TSPEAR: variants seen among roughly 807,000 people sequenced by gnomAD.
The protein encoded by TSPEAR is thrombospondin type laminin G domain and EAR repeats.
TSPEAR carries 69 observed loss-of-function variants against 71.6 expected under a neutral mutation model. The ratio of observed to expected loss-of-function variants is 0.96; its 90% CI spans 0.79 to 1.18. The LOEUF is 1.18. Among genes scored for constraint, TSPEAR ranks in the 50% most tolerant of loss-of-function variants. The pLI is 0.00. For synonymous variants in TSPEAR, 402 were observed against 387.2 expected, an observed-to-expected ratio of 1.04 and a Z score of -0.45; for missense variants, 971 against 894.9, an observed-to-expected ratio of 1.09 and a Z score of -1.09.
intron 1 of TSPEAR, among the ~76,000 whole-genome samples, chr21:44,674,888 A>G (rs1406800148): frequency 6.6e-6 from 1 of 151,886 alleles, no homozygotes. Context: ...AAAAAAAAAG[A>G]AAACCTGAAT....
At chr21:44,704,252 C>CCCG (rs1391590616) in intron 1 of TSPEAR, among the ~76,000 whole-genome samples, 11 of 151,904 alleles carry the variant, frequency 7.2e-5, no homozygotes, top group African/African-American at 2.7e-4. Context: ...GTACCCCACC[C>CCCG]CCCCACCACT....
chr21:44,518,379 C>T (rs1049680119), intron 9 of TSPEAR: 2 of 435,830 alleles, frequency 4.6e-6, no homozygotes, highest in Admixed American at 3.1e-5. Context: ...GGTGCAGTGT[C>T]GTGAAGAAGA....
At chr21:44,665,212 A>G (rs1985690988) in intron 1 of TSPEAR, among the ~76,000 whole-genome samples, 1 of 152,188 alleles carries the variant, frequency 6.6e-6, no homozygotes, top group African/African-American at 2.4e-5. Context: ...AGATGATGAA[A>G]CCAGTTTTTT....
chr21:44,575,836 G>A (rs189645382), intron 1 of TSPEAR, among the ~76,000 whole-genome samples: 5 of 152,246 alleles, frequency 3.3e-5, no homozygotes, highest in East Asian at 1.9e-4. Flanking sequence ...CTGTCGCTTC[G>A]CTTCCACCCT....
chr21:44,669,672 C>CA (rs1334150660), intron 1 of TSPEAR, among the ~76,000 whole-genome samples: 2 of 152,142 alleles, frequency 1.3e-5, no homozygotes, highest in Non-Finnish European at 2.9e-5. Flanking sequence ...TTGCTACTGG[C>CA]AACAGCCATC....
chr21:44,557,808 T>G (rs2053558320), intron 2 of TSPEAR: 1 of 559,428 alleles, frequency 1.8e-6, no homozygotes, highest in Non-Finnish European at 3.1e-6. Flanking sequence ...ATTGGTGACT[T>G]TATTTGTTGA....
intron 1 of TSPEAR, chr21:44,676,143 CA>C (rs2146289054): frequency 1.0e-6 from 1 of 955,190 alleles, no homozygotes; most frequent in East Asian, 2.4e-5. Context: ...GGAATAGAAG[CA>C]GGGACTGCAG....
chr21:44,564,950 T>C (rs11911565), intron 2 of TSPEAR, among the ~76,000 whole-genome samples: 38,194 of 151,422 alleles, frequency 0.25, 5,390 homozygotes, highest in East Asian at 0.4. Flanking sequence ...CTGGCCACAA[T>C]AAAATAAAAT....
At position 44,546,770 on chromosome 21, in the gene TSPEAR, G is replaced by A. The variant is rs1232345860; in HGVS notation, c.304-12847C>T. On this transcript the variant is annotated intron_variant, in intron 2 of 11. Coordinates refer to ENST00000323084, the MANE Select transcript of TSPEAR (RefSeq NM_144991.3). This position sits in a 1 kb window ranked among gnomAD's most constrained non-coding sequence, Gnocchi z 4.4. Reference sequence around the variant, plus strand: ...CTCCATGGTTTCTGATGAGAAATTCGCTGTTAGTCTTCTGTCCAGCAGCTT... The same window carrying A: ...CTCCATGGTTTCTGATGAGAAATTCACTGTTAGTCTTCTGTCCAGCAGCTT... Among the ~76,000 whole-genome samples, 2 of 152,148 alleles carry A rather than the reference G, an allele frequency of 1.3e-5. No individual in the cohort carries two copies. The highest frequency in any genetic ancestry group is 2.4e-5 in the African/African-American group (1 of 41,432).
At chr21:44,533,638 C>A in intron 3 of TSPEAR, 47 bp downstream of exon 3, 1 of 1,494,950 alleles carries the variant, frequency 6.7e-7, no homozygotes, top group Non-Finnish European at 9.2e-7. Flanking sequence ...CCTGGCCTGG[C>A]AGGACTCTGA....
chr21:44,498,574 T>C lies in TSPEAR; in HGVS notation c.*1209A>G, dbSNP rs1398379271. ...TTTGCCAGACAAGGGGAGGCTTCCA[T>C]TTCATTACGAAAGGTCAGGAGTGCT... On this transcript the variant is annotated 3_prime_UTR_variant, in exon 12 of 12. Coordinates refer to ENST00000323084, the MANE Select transcript of TSPEAR (RefSeq NM_144991.3). 5 of 152,236 alleles carry C rather than the reference T, an allele frequency of 3.3e-5. No homozygotes were observed. Among genetic ancestry groups the C allele is most frequent in the Non-Finnish European group, 5.9e-5 (4 of 68,038 alleles). The allele number at this position is 152,236 out of a possible 1,614,324, so 9.4% of individuals were successfully genotyped here.
rs1012279263 is a variant in TSPEAR at position 44,623,569 on chromosome 21, T to C, written c.83-55564A>G. Among the ~76,000 whole-genome samples, 5 of 152,262 alleles carry C rather than the reference T, an allele frequency of 3.3e-5. No homozygotes were observed. The highest frequency in any genetic ancestry group is 6.5e-5 in the Admixed American group (1 of 15,290). On this transcript the variant is annotated intron_variant, in intron 1 of 11. Coordinates refer to ENST00000323084, the MANE Select transcript of TSPEAR (RefSeq NM_144991.3). The surrounding 1 kb of genome is among the most constrained non-coding windows in gnomAD (Gnocchi z 4.5). ...TTGCTTCCATCTGTGATCATTTTCA[T>C]TCTGCCTAATTATCTTTTTATTTTC...
intron 2 of TSPEAR, among the ~76,000 whole-genome samples, chr21:44,535,372 C>T (rs2053070625): frequency 6.6e-6 from 1 of 151,970 alleles, no homozygotes. Flanking sequence ...ACTTAGATTC[C>T]ATTCATTCCT....
chr21:44,706,425 G>A (rs570081563), intron 1 of TSPEAR, among the ~76,000 whole-genome samples: 8 of 151,162 alleles, frequency 5.3e-5, no homozygotes, highest in South Asian at 2.1e-4. Context: ...ACACACGCGC[G>A]CACACACCCA....
chr21:44,625,409 T>C (rs1407618555), intron 1 of TSPEAR, among the ~76,000 whole-genome samples: 2 of 152,176 alleles, frequency 1.3e-5, no homozygotes, highest in African/African-American at 2.4e-5. Context: ...CTGGGCAACA[T>C]AGCAAGACTC....
intron 9 of TSPEAR, among the ~76,000 whole-genome samples, chr21:44,510,253 C>A (rs762713111): frequency 6.6e-6 from 1 of 152,154 alleles, no homozygotes; most frequent in African/African-American, 2.4e-5. Context: ...CCCCACAGGC[C>A]GGGGATCCCT....
intron 2 of TSPEAR, among the ~76,000 whole-genome samples, chr21:44,536,241 C>G (rs587652582): frequency 1.6e-4 from 24 of 152,350 alleles, no homozygotes; most frequent in African/African-American, 5.8e-4. Flanking sequence ...CTGCTCCTGC[C>G]AGTGCTCCCT....
intron 1 of TSPEAR, among the ~76,000 whole-genome samples, chr21:44,641,310 A>G (rs1173397877): frequency 6.6e-6 from 1 of 152,218 alleles, no homozygotes; most frequent in African/African-American, 2.4e-5. Flanking sequence ...GAGGAAGAGG[A>G]GGAAGGAAAA....
chr21:44,644,344 G>A (rs997925660), intron 1 of TSPEAR, among the ~76,000 whole-genome samples: 3 of 152,076 alleles, frequency 2.0e-5, no homozygotes, highest in African/African-American at 7.2e-5. Context: ...TAGACTTCCT[G>A]GCTTTCCTAT....
Sources: allele counts gnomAD v4.1 joint callset (sites outside exome capture counted in the v4.1 genomes callset), GRCh38; gene constraint gnomAD v4.1.1; non-coding constraint Gnocchi (gnomAD v3.1); transcripts MANE v1.5; gene names NCBI Gene and HGNC (gene_info 2026-07-23, HGNC 2026-07-21).